The following CDK5RAP3 variants were observed in gnomAD, a reference collection of about 807,000 sequenced individuals.
CDK5RAP3 encodes CDK5 regulatory subunit associated protein 3, also known as CDK5 regulatory subunit-associated protein 3.
Under a neutral mutation model 73.3 loss-of-function variants are expected in CDK5RAP3, and 58 were observed. The observed-to-expected ratio is 0.79, with a 90% CI of 0.64 to 0.98. The LOEUF (loss-of-function observed/expected upper bound fraction) is 0.98, where lower values mean the gene tolerates loss of function less well. Ranked by LOEUF, CDK5RAP3 falls within the 50% of genes least tolerant of loss-of-function variation. The pLI, the probability that CDK5RAP3 is intolerant of heterozygous loss-of-function variation, is 0.00. For synonymous variants in CDK5RAP3, 224 were observed against 247.5 expected (o/e 0.91, Z 0.89); for missense variants, 525 against 615.8 (o/e 0.85, Z 1.56).
At chr17:47,976,653 C>CTCTCTCTT in intron 8 of CDK5RAP3, 59 bp from the exon 9 acceptor site, 2 of 1,194,752 alleles carry the variant, frequency 1.7e-6, no homozygotes, top group Non-Finnish European at 2.5e-6. Context: ...CATGAGCCAC[C>CTCTCTCTT]ATGCCCGGCC....
At chr17:47,978,738 C>T (rs543885711) in intron 10 of CDK5RAP3, 91 bp from the exon 11 acceptor site, 11 of 957,640 alleles carry the variant, frequency 1.1e-5, no homozygotes, top group African/African-American at 3.2e-5. Context: ...TGAGTCTGTC[C>T]GTATTAATCC....
upstream of CDK5RAP3, chr17:47,970,653 A>G (rs1426145791): frequency 6.5e-7 from 1 of 1,535,462 alleles, no homozygotes; most frequent in Non-Finnish European, 8.7e-7. Flanking sequence ...ATGAGGAGGC[A>G]AAGCATGACA....
chr17:47,968,182 C>G (rs1286982225), upstream of CDK5RAP3, among the ~76,000 whole-genome samples: 1 of 152,138 alleles, frequency 6.6e-6, no homozygotes, highest in Non-Finnish European at 1.5e-5. Context: ...GCAATTCCTA[C>G]AGTCTGAGTC....
At chr17:47,979,054 G>T (rs752880240) in intron 11 of CDK5RAP3, 137 bp downstream of exon 11, 2 of 664,924 alleles carry the variant, frequency 3.0e-6, no homozygotes, top group Admixed American at 2.3e-5. Flanking sequence ...GGAGCCTCAC[G>T]TATTAGATGC....
At chr17:47,976,120 C>T in intron 8 of CDK5RAP3, 107 bp downstream of exon 8, 1 of 1,395,408 alleles carries the variant, frequency 7.2e-7, no homozygotes, top group South Asian at 1.4e-5. Flanking sequence ...GGGAGGATTT[C>T]TGTGAGAGTG....
Position 47,981,178 on chromosome 17 carries a change from G to A in CDK5RAP3, c.1299G>A (p.Val433=). Residue 433 remains valine (V), a synonymous_variant, in exon 13 of 14, where the codon GTG becomes GTA. Coordinates refer to ENST00000338399, the MANE Select transcript of CDK5RAP3 (RefSeq NM_176096.3). ...CCCCGCACAGGTATGTGGACCGAGT[G>A]ACTGAATTCCTCCAGCAAAAGCTGA... ...ILASPRYVDR[V]TEFLQQKLKQ... is the part of the protein sequence containing the mutation. 6.2e-7 allele frequency: 1 copy of A among 1,614,112 alleles called. No homozygotes were observed. The highest frequency in any genetic ancestry group is 8.5e-7 in the Non-Finnish European group (1 of 1,179,966).
At position 47,981,448 on chromosome 17, in the gene CDK5RAP3, C is replaced by T; in HGVS notation, c.1467C>T (p.Asp489=). 1 of 1,614,254 alleles carries T rather than the reference C, an allele frequency of 6.2e-7. No homozygotes were observed. Among genetic ancestry groups the T allele is most frequent in the Non-Finnish European group, 8.5e-7 (1 of 1,180,048 alleles). ...TKELQKLIEA[D]ISKRYSGRPV... Reference sequence around the variant, plus strand: ...TATCACTCTTTCAGATTGAAGCTGACATCTCCAAGAGGTACAGCGGGCGCC... The same window carrying T: ...TATCACTCTTTCAGATTGAAGCTGATATCTCCAAGAGGTACAGCGGGCGCC... The change falls in exon 14 of 14, where the codon GAC becomes GAT. Residue 489 remains aspartate (D), a synonymous_variant. Coordinates refer to ENST00000338399, the MANE Select transcript of CDK5RAP3 (RefSeq NM_176096.3).
chr17:47,976,825 G>A lies in CDK5RAP3; in HGVS notation c.909+3G>A. Reference sequence around the variant, plus strand: ...TCTTCCCGGAATCAGATTCAAAGGTGAGGAGGCCTTCTCAGTCTGTCTCTC... The same window carrying A: ...TCTTCCCGGAATCAGATTCAAAGGTAAGGAGGCCTTCTCAGTCTGTCTCTC... On this transcript the variant is annotated splice_donor_region_variant and intron_variant, in intron 9 of 13. Coordinates refer to ENST00000338399, the MANE Select transcript of CDK5RAP3 (RefSeq NM_176096.3). 1 of 1,581,292 alleles carries A rather than the reference G, an allele frequency of 6.3e-7. No homozygotes were observed. The highest frequency in any genetic ancestry group is 8.7e-7 in the Non-Finnish European group (1 of 1,155,882).
At chr17:47,968,061 A>C (rs1042978960), upstream of CDK5RAP3, 1 of 152,160 alleles carries the variant, frequency 6.6e-6, no homozygotes, top group Non-Finnish European at 1.5e-5. Flanking sequence ...AGGAAGAGAG[A>C]TAGATACACC....
intron 12 of CDK5RAP3, 156 bp downstream of exon 12, chr17:47,980,954 GT>G: frequency 1.1e-6 from 1 of 883,038 alleles, no homozygotes; most frequent in Non-Finnish European, 1.8e-6. Context: ...AGAGGGGGAG[GT>G]TTCACATATA....
chr17:47,974,299 T>C, intron 4 of CDK5RAP3, 101 bp from the exon 5 acceptor site: 1 of 1,035,798 alleles, frequency 9.7e-7, no homozygotes, highest in South Asian at 1.3e-5. Flanking sequence ...GTGTTTGATG[T>C]GATGTAAAGG....
intron 8 of CDK5RAP3, among the ~76,000 whole-genome samples, 179 bp downstream of exon 8, chr17:47,976,192 G>A (rs2036408648): frequency 6.6e-6 from 1 of 152,186 alleles, no homozygotes; most frequent in Non-Finnish European, 1.5e-5. Flanking sequence ...AGGTGAGTGA[G>A]TGCCACAGAG....
At chr17:47,970,520 C>G, upstream of CDK5RAP3, 1 of 726,758 alleles carries the variant, frequency 1.4e-6, no homozygotes, top group Non-Finnish European at 2.4e-6. Context: ...ATCTTCAGCT[C>G]TTCGTTTAGA....
At chr17:47,970,569 CTCTT>C, upstream of CDK5RAP3, 3 of 1,151,620 alleles carry the variant, frequency 2.6e-6, no homozygotes, top group Non-Finnish European at 3.8e-6. Context: ...CTCACCGACT[CTCTT>C]CCTTCCCCTT....
In CDK5RAP3 at chr17:47,975,121, G is replaced by C. The variant is rs368578380; in HGVS notation, c.335-38G>C. ...ATCCTGGGGCATGCCTGCCTCATGT[G>C]GGGGTGTCCTGGGCTGAATTTCCTG... is the stretch of plus-strand genomic sequence containing the variant. On this transcript the variant is annotated intron_variant, in intron 5 of 13. Transcript: ENST00000338399. 119 of 1,613,798 alleles carry C rather than the reference G, an allele frequency of 7.4e-5. No homozygotes were observed. The African/African-American group carries it at 1.4e-3, about 19-fold the overall frequency.
chr17:47,974,067 G>A, intron 4 of CDK5RAP3, 36 bp downstream of exon 4: 1 of 1,438,698 alleles, frequency 7.0e-7, no homozygotes, highest in Non-Finnish European at 9.8e-7. Flanking sequence ...TATGTGGTTG[G>A]GGACATCCAA....
chr17:47,975,859 T>G lies in CDK5RAP3; in HGVS notation c.654-10T>G. On this transcript the variant is annotated splice_polypyrimidine_tract_variant and intron_variant, in intron 7 of 13. Coordinates refer to ENST00000338399, the MANE Select transcript of CDK5RAP3 (RefSeq NM_176096.3). The stretch of plus-strand genomic sequence containing the variant: ...GTCGGCAGGAGAGTCAGTTGTGTGC[T>G]CTGTTGAAGCCCCACAGAGCAGGTG... 1 of 1,614,144 alleles carries G rather than the reference T, an allele frequency of 6.2e-7. No individual in the cohort carries two copies. Among genetic ancestry groups the G allele is most frequent in the Non-Finnish European group, 8.5e-7 (1 of 1,180,028 alleles).
At position 47,975,209 on chromosome 17, in the gene CDK5RAP3, C is replaced by G. The variant is rs770014353; in HGVS notation, c.385C>G (p.Leu129Val). Reference protein sequence around the residue: ...VRNVNYEIPSLKKQIAKCQQL... With the variant: ...VRNVNYEIPSVKKQIAKCQQL... ...GAATGTCAACTATGAGATCCCCTCA[C>G]TGAAGAAGCAGATTGCCAAGTGCCA... Residue 129 changes from leucine to valine, a missense_variant, in exon 6 of 14, where the codon CTG (leucine) becomes GTG (valine). Physicochemically the swap from Leu to Val is conservative, Grantham distance 32. This residue lies in a region of CDK5RAP3 where 409 missense variants were observed against 429.8 expected (regional missense o/e 0.95). Coordinates refer to ENST00000338399, the MANE Select transcript of CDK5RAP3 (RefSeq NM_176096.3). 1 of 1,614,090 alleles carries G rather than the reference C, an allele frequency of 6.2e-7. No individual in the cohort carries two copies. The highest frequency in any genetic ancestry group is 8.5e-7 in the Non-Finnish European group (1 of 1,180,048).
chr17:47,974,789 G>A (rs1303845429), intron 5 of CDK5RAP3: 8 of 1,223,330 alleles, frequency 6.5e-6, no homozygotes, highest in African/African-American at 3.2e-5. Context: ...GAAGAGGCAC[G>A]GGTTTTTCTG....
Sources: allele counts gnomAD v4.1 joint callset (sites outside exome capture counted in the v4.1 genomes callset), GRCh38; gene constraint gnomAD v4.1.1; regional missense constraint gnomAD v4.1.1; transcripts MANE v1.5; gene names NCBI Gene and HGNC (gene_info 2026-07-23, HGNC 2026-07-21).